KAT6B: variants seen among roughly 807,000 people sequenced by gnomAD.
KAT6B encodes the protein histone acetyltransferase KAT6B.
KAT6B carries 10 observed loss-of-function variants against 187.5 expected under a neutral mutation model. That is an observed-to-expected ratio of 0.05 (90% CI 0.03 to 0.09). The LOEUF is 0.09. KAT6B is among the 10% of genes least tolerant of loss of function. The pLI is 1.00. For synonymous variants in KAT6B, 861 were observed against 926.8 expected, an observed-to-expected ratio of 0.93 and a Z score of 1.29; for missense variants, 1,952 against 2,558.9, an observed-to-expected ratio of 0.76 and a Z score of 5.12.
chr10:74,948,781 C>T (rs1840117592), intron 3 of KAT6B, among the ~76,000 whole-genome samples: 1 of 152,158 alleles, frequency 6.6e-6, no homozygotes, highest in Non-Finnish European at 1.5e-5. Flanking sequence ...TATTTTGCTT[C>T]TAGCCTCACT....
chr10:74,861,306 G>GT (rs1485689987), intron 3 of KAT6B, among the ~76,000 whole-genome samples: 1 of 151,854 alleles, frequency 6.6e-6, no homozygotes, highest in African/African-American at 2.4e-5. Context: ...TGTCTCAAAG[G>GT]TAAAAAAAAA....
At chr10:74,984,961 C>A in intron 11 of KAT6B, 119 bp from the exon 12 acceptor site, 1 of 936,378 alleles carries the variant, frequency 1.1e-6, no homozygotes, top group East Asian at 2.6e-5. Context: ...GTGTTTTAAT[C>A]TCTCAGTTTA....
At chr10:74,967,324 C>T (rs1200326353) in intron 4 of KAT6B, among the ~76,000 whole-genome samples, 31 of 123,074 alleles carry the variant, frequency 2.5e-4, no homozygotes, top group East Asian at 2.2e-4. Context: ...AGCGAGACTC[C>T]GTCTCAAAAA....
At chr10:74,961,030 A>G (rs894505262) in intron 4 of KAT6B, among the ~76,000 whole-genome samples, 6 of 152,174 alleles carry the variant, frequency 3.9e-5, no homozygotes, top group African/African-American at 1.4e-4. Flanking sequence ...TTTGTGGTTC[A>G]GCAGCTTTCA....
chr10:74,888,675 GAAAAT>G (rs958696618), intron 3 of KAT6B, among the ~76,000 whole-genome samples: 1 of 152,148 alleles, frequency 6.6e-6, no homozygotes, highest in African/African-American at 2.4e-5. Context: ...CTGTATCTTT[GAAAAT>G]AAAATCACAT....
At chr10:74,960,848 T>C (rs1281480635) in intron 4 of KAT6B, among the ~76,000 whole-genome samples, 1 of 152,258 alleles carries the variant, frequency 6.6e-6, no homozygotes, top group African/African-American at 2.4e-5. Context: ...AGCAGTGTTA[T>C]GGTTTAGCAT....
At chr10:74,835,338 A>G (rs1463559395) in intron 1 of KAT6B, among the ~76,000 whole-genome samples, 1 of 152,122 alleles carries the variant, frequency 6.6e-6, no homozygotes, top group Non-Finnish European at 1.5e-5. Context: ...TCAGCAAGGT[A>G]GTATAGTCAC....
intron 3 of KAT6B, among the ~76,000 whole-genome samples, chr10:74,904,807 TCCTC>T (rs1846642006): frequency 6.6e-6 from 1 of 152,134 alleles, no homozygotes; most frequent in Admixed American, 6.5e-5. Flanking sequence ...ATTTCTGTGA[TCCTC>T]CCCCCTTTAG....
chr10:74,996,943 CAT>C (rs1416863737), intron 13 of KAT6B, among the ~76,000 whole-genome samples: 1 of 151,762 alleles, frequency 6.6e-6, no homozygotes, highest in East Asian at 1.9e-4. Context: ...TTAAAGCAAA[CAT>C]AATGAGAAAG....
chr10:74,998,584 C>T (rs185433763), intron 13 of KAT6B, among the ~76,000 whole-genome samples: 22 of 152,234 alleles, frequency 1.4e-4, no homozygotes, highest in African/African-American at 5.1e-4. Context: ...ACCATTCCCA[C>T]GAGAAAGTTA....
At chr10:74,907,089 A>G (rs1419852075) in intron 3 of KAT6B, among the ~76,000 whole-genome samples, 3 of 152,220 alleles carry the variant, frequency 2.0e-5, no homozygotes, top group Non-Finnish European at 2.9e-5. Context: ...TAAGTTCTGC[A>G]GCGGGTGGGC....
chr10:74,925,136 T>C (rs1848399083), intron 3 of KAT6B, among the ~76,000 whole-genome samples: 1 of 152,116 alleles, frequency 6.6e-6, no homozygotes, highest in African/African-American at 2.4e-5. Flanking sequence ...GCCTCCCGGG[T>C]TCAAGCAATT....
At chr10:74,861,635 A>G (rs771071519) in intron 3 of KAT6B, among the ~76,000 whole-genome samples, 40 of 152,214 alleles carry the variant, frequency 2.6e-4, no homozygotes, top group Non-Finnish European at 5.1e-4. Flanking sequence ...CTGTACATGT[A>G]ACCATTATAC....
At chr10:74,941,673 T>A (rs1849674192) in intron 3 of KAT6B, among the ~76,000 whole-genome samples, 1 of 152,030 alleles carries the variant, frequency 6.6e-6, no homozygotes, top group Non-Finnish European at 1.5e-5. Flanking sequence ...GCAAAGAAAT[T>A]CGGTTCATAA....
chr10:74,873,172 C>CT (rs1844133235), intron 3 of KAT6B, among the ~76,000 whole-genome samples: 1 of 151,946 alleles, frequency 6.6e-6, no homozygotes, highest in Admixed American at 6.6e-5. Context: ...CAAAATAAAA[C>CT]TTTTTTGCCC....
intron 4 of KAT6B, among the ~76,000 whole-genome samples, chr10:74,961,453 A>G (rs906895040): frequency 6.6e-6 from 1 of 152,158 alleles, no homozygotes; most frequent in Non-Finnish European, 1.5e-5. Context: ...TTTAGGATCT[A>G]TTTGTCTGGG....
intron 3 of KAT6B, among the ~76,000 whole-genome samples, chr10:74,889,916 A>G (rs1484887366): frequency 1.3e-5 from 2 of 152,130 alleles, no homozygotes; most frequent in Non-Finnish European, 2.9e-5. Context: ...ACTCTTCAAG[A>G]AGGGATAAGG....
At chr10:74,836,637 A>G (rs1351357546) in intron 1 of KAT6B, among the ~76,000 whole-genome samples, 1 of 152,204 alleles carries the variant, frequency 6.6e-6, no homozygotes, top group East Asian at 1.9e-4. Flanking sequence ...CACCATATGG[A>G]TGGCGTTTCA....
intron 3 of KAT6B, among the ~76,000 whole-genome samples, chr10:74,885,907 A>G (rs1010365052): frequency 1.3e-5 from 2 of 151,866 alleles, no homozygotes; most frequent in Admixed American, 6.6e-5. Flanking sequence ...AATTTTTTGT[A>G]TTTTTAGTGG....
Sources: gnomAD v4.1 joint callset for allele counts (sites outside exome capture counted in the v4.1 genomes callset) on GRCh38, gnomAD v4.1.1 for gene constraint, MANE v1.5 for transcripts, NCBI Gene and HGNC (gene_info 2026-07-23, HGNC 2026-07-21) for gene names.